The following AGAP1 variants were observed in gnomAD, a reference collection of about 807,000 sequenced individuals.
AGAP1 encodes arf-GAP with GTPase, ANK repeat and PH domain-containing protein 1.
A neutral mutation model predicts 105.3 loss-of-function variants in AGAP1; 29 were observed. That is an observed-to-expected ratio of 0.28 (90% CI 0.21 to 0.38). The LOEUF is 0.38. Ranked by LOEUF, AGAP1 falls within the 10% of genes least tolerant of loss-of-function variation. AGAP1 has a pLI of 1.00. For synonymous variants in AGAP1, 509 were observed against 485.9 expected, an observed-to-expected ratio of 1.05 and a Z score of -0.63; for missense variants, 998 against 1,165.1, an observed-to-expected ratio of 0.86 and a Z score of 2.09.
At position 236,063,198 on chromosome 2, in the gene AGAP1, ATTC is replaced by A. The variant is rs552735255; in HGVS notation, c.2114+13919_2114+13921del. On this transcript the variant is annotated intron_variant, in intron 16 of 17. Coordinates refer to ENST00000304032, the MANE Select transcript of AGAP1 (RefSeq NM_001037131.3). ...AACCTCCACCTCCCAGGTTCAAGTG[ATTC>A]TCCTGCCTCAGCCTCCCACCTGGGA... Among the ~76,000 whole-genome samples the A allele has an allele frequency of 1.9e-3, 290 of 152,068 alleles. 1 individual carries two copies. Among genetic ancestry groups the A allele is most frequent in the Admixed American group, 3.8e-3 (58 of 15,284 alleles).
chr2:235,822,470 G>T (rs562774776), intron 9 of AGAP1, among the ~76,000 whole-genome samples: 1 of 147,212 alleles, frequency 6.8e-6, no homozygotes, highest in Non-Finnish European at 1.5e-5. Context: ...GAAGCTCAAG[G>T]GTGAGGAAGA....
intron 1 of AGAP1, among the ~76,000 whole-genome samples, chr2:235,508,875 A>G (rs1272427793): frequency 1.3e-5 from 2 of 152,228 alleles, no homozygotes; most frequent in African/African-American, 4.8e-5. Context: ...CATCAAAGCG[A>G]TTTGCCCAGG....
chr2:235,677,658 T>C (rs748862419), intron 1 of AGAP1, among the ~76,000 whole-genome samples: 9 of 151,138 alleles, frequency 6.0e-5, no homozygotes, highest in Non-Finnish European at 1.3e-4. Context: ...GAGACGATTG[T>C]CAGAGGGAAT....
At chr2:235,699,086 A>G (rs1381240828) in intron 1 of AGAP1, among the ~76,000 whole-genome samples, 1 of 101,686 alleles carries the variant, frequency 9.8e-6, no homozygotes, top group South Asian at 4.2e-4. Flanking sequence ...CCCCCACCCC[A>G]CCTAGGCTCG....
chr2:235,682,271 T>A (rs1949117567), intron 1 of AGAP1, among the ~76,000 whole-genome samples: 1 of 152,194 alleles, frequency 6.6e-6, no homozygotes, highest in Admixed American at 6.5e-5. Flanking sequence ...CATATTTCAT[T>A]TTCACTCTGA....
intron 1 of AGAP1, among the ~76,000 whole-genome samples, chr2:235,537,655 G>T (rs2149088047): frequency 6.6e-6 from 1 of 152,284 alleles, no homozygotes; most frequent in South Asian, 2.1e-4. Flanking sequence ...TATTAATATT[G>T]ATCCTGTAGT....
chr2:235,819,315 A>G (rs1264526282), intron 9 of AGAP1, among the ~76,000 whole-genome samples: 3 of 151,612 alleles, frequency 2.0e-5, no homozygotes, highest in Admixed American at 6.6e-5. Context: ...GGGTTTTGCC[A>G]TGTTGCCCAG....
intron 1 of AGAP1, among the ~76,000 whole-genome samples, chr2:235,523,198 C>T (rs1263249069): frequency 3.9e-5 from 6 of 152,146 alleles, no homozygotes; most frequent in Admixed American, 6.5e-5. Context: ...ATGCTCCTCA[C>T]GGCCATGACC....
At chr2:235,693,338 C>T (rs1949833537) in intron 1 of AGAP1, among the ~76,000 whole-genome samples, 1 of 152,096 alleles carries the variant, frequency 6.6e-6, no homozygotes, top group Admixed American at 6.5e-5. Context: ...GGCCTTTATG[C>T]CTGTCACCAG....
intron 1 of AGAP1, among the ~76,000 whole-genome samples, chr2:235,674,873 G>A (rs1448748464): frequency 6.6e-6 from 1 of 151,844 alleles, no homozygotes; most frequent in African/African-American, 2.4e-5. Flanking sequence ...GTTTTTAGTA[G>A]AGAGAGGGTT....
In AGAP1 at chr2:235,845,744, G is replaced by T. The variant is rs1218395957; in HGVS notation, c.1051-37601G>T. On this transcript the variant is annotated intron_variant, in intron 9 of 17. Coordinates refer to ENST00000304032, the MANE Select transcript of AGAP1 (RefSeq NM_001037131.3). The surrounding 1 kb of genome is among the most constrained non-coding windows in gnomAD (Gnocchi z 4.8). The stretch of plus-strand genomic sequence containing the variant: ...TGATGTCATCTATTAACCTTCTCCA[G>T]CTGCTCCGAGATGGTCACCAAGTCC... Among the ~76,000 whole-genome samples, 1 of 151,908 alleles carries T rather than the reference G, an allele frequency of 6.6e-6. No homozygotes were observed. The highest frequency in any genetic ancestry group is 1.5e-5 in the Non-Finnish European group (1 of 67,990).
rs1461092002 is a variant in AGAP1 at position 236,000,943 on chromosome 2, C to T, written c.1645+32320C>T. ...GCGTGGCGTGAGGAGGGTGAGAGTCCATGCCATAAAGGACTGTCATCCATC... is the reference window on the plus strand; with the variant it reads ...GCGTGGCGTGAGGAGGGTGAGAGTCTATGCCATAAAGGACTGTCATCCATC... On this transcript the variant is annotated intron_variant, in intron 13 of 17. Coordinates refer to ENST00000304032, the MANE Select transcript of AGAP1 (RefSeq NM_001037131.3). This position sits in a 1 kb window ranked among gnomAD's most constrained non-coding sequence, Gnocchi z 4.3. Among the ~76,000 whole-genome samples, 1 of 152,116 alleles carries T rather than the reference C, an allele frequency of 6.6e-6. No homozygotes were observed. The highest frequency in any genetic ancestry group is 6.5e-5 in the Admixed American group (1 of 15,268).
At chr2:235,523,182 C>T (rs1446746333) in intron 1 of AGAP1, among the ~76,000 whole-genome samples, 1 of 152,122 alleles carries the variant, frequency 6.6e-6, no homozygotes, top group African/African-American at 2.4e-5. Context: ...GGACACTGAT[C>T]CCATCATGCT....
At position 235,552,844 on chromosome 2, in the gene AGAP1, C is replaced by G. The variant is rs146647118; in HGVS notation, c.163+57995C>G. ...TGGGCCCCATCTCTCTCTGCTGAGC[C>G]GGGTTCTGACTCTGCAGAGCATTGG... On this transcript the variant is annotated intron_variant, in intron 1 of 17. Transcript: ENST00000304032. The surrounding 1 kb of genome is among the most constrained non-coding windows in gnomAD (Gnocchi z 5.9). Among the ~76,000 whole-genome samples, 1 of 152,168 alleles carries G rather than the reference C, an allele frequency of 6.6e-6. No homozygotes were observed. Among genetic ancestry groups the G allele is most frequent in the Admixed American group, 6.5e-5 (1 of 15,278 alleles).
chr2:235,613,451 C>T (rs1574965199), intron 1 of AGAP1, among the ~76,000 whole-genome samples: 1 of 152,206 alleles, frequency 6.6e-6, no homozygotes, highest in South Asian at 2.1e-4. Flanking sequence ...GTTACCCAAA[C>T]CTTTTTCCTT....
In AGAP1 at chr2:235,599,366, C is replaced by T. The variant is rs767129110; in HGVS notation, c.163+104517C>T. ...GAGTCTGGTGATGGAGAAGGTGTGGCGGGCAGCAAGGAGGCTGGGGAAGTG... is the reference window on the plus strand; with the variant it reads ...GAGTCTGGTGATGGAGAAGGTGTGGTGGGCAGCAAGGAGGCTGGGGAAGTG... On this transcript the variant is annotated intron_variant, in intron 1 of 17. Transcript: ENST00000304032. The surrounding 1 kb of genome is among the most constrained non-coding windows in gnomAD (Gnocchi z 5.3). 1.5e-4 allele frequency among the ~76,000 whole-genome samples: 23 copies of T among 151,946 alleles called. No individual in the cohort carries two copies. Among genetic ancestry groups the T allele is most frequent in the Non-Finnish European group, 3.1e-4 (21 of 68,008 alleles).
chr2:235,880,423 C>G (rs1233003181), intron 9 of AGAP1, among the ~76,000 whole-genome samples: 1 of 151,946 alleles, frequency 6.6e-6, no homozygotes, highest in East Asian at 1.9e-4. Context: ...AGACCGTGGC[C>G]CTGGCATTGT....
intron 11 of AGAP1, among the ~76,000 whole-genome samples, chr2:235,915,958 A>ACT (rs2051858815): frequency 6.6e-6 from 1 of 152,092 alleles, no homozygotes; most frequent in East Asian, 1.9e-4. Flanking sequence ...GAGAAATCTG[A>ACT]CTGTAGACTT....
intron 1 of AGAP1, among the ~76,000 whole-genome samples, chr2:235,678,170 TC>T (rs1948860211): frequency 1.3e-5 from 2 of 152,142 alleles, no homozygotes; most frequent in Non-Finnish European, 2.9e-5. Flanking sequence ...ATCTCACTCT[TC>T]CGGCTATTTC....
Sources: allele counts gnomAD v4.1 joint callset (sites outside exome capture counted in the v4.1 genomes callset), GRCh38; gene constraint gnomAD v4.1.1; non-coding constraint Gnocchi (gnomAD v3.1); transcripts MANE v1.5; gene names NCBI Gene and HGNC (gene_info 2026-07-23, HGNC 2026-07-21).